The following TBC1D1 variants were observed in gnomAD, a reference collection of about 807,000 sequenced individuals.
TBC1D1 encodes TBC1 domain family member 1.
A neutral mutation model predicts 125.6 loss-of-function variants in TBC1D1; 89 were observed. The ratio of observed to expected loss-of-function variants is 0.71; its 90% CI spans 0.60 to 0.85. The LOEUF (loss-of-function observed/expected upper bound fraction) is 0.85. Among genes scored for constraint, TBC1D1 ranks in the 40% least tolerant of loss-of-function variants. The pLI is 0.00. For missense variants in TBC1D1, 1,377 were observed against 1,469.2 expected (o/e 0.94, Z 1.03); for synonymous variants, 565 against 564.1 (o/e 1.00, Z -0.02).
At chr4:37,986,673 T>G (rs1443205152) in intron 2 of TBC1D1, among the ~76,000 whole-genome samples, 1 of 152,192 alleles carries the variant, frequency 6.6e-6, no homozygotes, top group Admixed American at 6.5e-5. Context: ...CTTGAACTCC[T>G]GACCTCAAGT....
chr4:38,063,950 G>A (rs1406390160), intron 12 of TBC1D1, among the ~76,000 whole-genome samples: 1 of 151,990 alleles, frequency 6.6e-6, no homozygotes, highest in African/African-American at 2.4e-5. Flanking sequence ...AACATTTTTT[G>A]TCCCCCTAGA....
intron 2 of TBC1D1, among the ~76,000 whole-genome samples, chr4:37,976,603 G>A (rs1209643167): frequency 6.6e-6 from 1 of 152,112 alleles, no homozygotes; most frequent in Admixed American, 6.5e-5. Flanking sequence ...TCAGTGAGTG[G>A]TTCCACCTGA....
At chr4:37,939,677 C>G (rs1318640306) in intron 2 of TBC1D1, among the ~76,000 whole-genome samples, 1 of 151,942 alleles carries the variant, frequency 6.6e-6, no homozygotes, top group Non-Finnish European at 1.5e-5. Context: ...AAGTCTTTAA[C>G]CCATCTTGAA....
intron 2 of TBC1D1, among the ~76,000 whole-genome samples, chr4:37,994,131 C>T (rs139229618): frequency 1.3e-5 from 2 of 152,270 alleles, no homozygotes; most frequent in African/African-American, 4.8e-5. Context: ...AGGCTCTCAT[C>T]GCCTGTCTTT....
chr4:38,034,751 C>T (rs1746875280), intron 7 of TBC1D1, among the ~76,000 whole-genome samples: 1 of 152,196 alleles, frequency 6.6e-6, no homozygotes, highest in South Asian at 2.1e-4. Flanking sequence ...GATGTATTTT[C>T]AAAATTTATA....
chr4:37,987,855 C>A (rs1735767368), intron 2 of TBC1D1, among the ~76,000 whole-genome samples: 1 of 152,182 alleles, frequency 6.6e-6, no homozygotes, highest in South Asian at 2.1e-4. Context: ...TACCACAGAA[C>A]CATGTTTCAT....
chr4:38,122,880 C>T (rs1208164499), intron 17 of TBC1D1, among the ~76,000 whole-genome samples: 2 of 152,142 alleles, frequency 1.3e-5, no homozygotes, highest in Non-Finnish European at 2.9e-5. Context: ...TTTAACATAT[C>T]AATAAAGAGA....
At chr4:38,075,585 C>T (rs1041208580) in intron 12 of TBC1D1, among the ~76,000 whole-genome samples, 1 of 152,196 alleles carries the variant, frequency 6.6e-6, no homozygotes, top group Non-Finnish European at 1.5e-5. Context: ...CTCCGCAAAG[C>T]ACAAAAGTAT....
intron 12 of TBC1D1, among the ~76,000 whole-genome samples, chr4:38,066,331 A>C (rs1039556746): frequency 1.6e-5 from 2 of 127,816 alleles, no homozygotes; most frequent in African/African-American, 6.0e-5. Flanking sequence ...ATTTATATTT[A>C]TTTATTTGTT....
At chr4:38,047,514 T>A (rs1749724297) in intron 10 of TBC1D1, among the ~76,000 whole-genome samples, 1 of 152,116 alleles carries the variant, frequency 6.6e-6, no homozygotes, top group African/African-American at 2.4e-5. Flanking sequence ...TACACACTGA[T>A]CCCACCCTGC....
intron 2 of TBC1D1, among the ~76,000 whole-genome samples, chr4:37,946,395 T>C (rs887749193): frequency 6.6e-6 from 1 of 152,208 alleles, no homozygotes; most frequent in African/African-American, 2.4e-5. Flanking sequence ...AGTACCTGAT[T>C]TGGTCGTTAT....
chr4:38,006,701 A>C (rs368724041), intron 2 of TBC1D1: 33 of 312,680 alleles, frequency 1.1e-4, no homozygotes, highest in East Asian at 5.4e-4. Context: ...GGATGGGCTC[A>C]ATCTCCTGAC....
intron 2 of TBC1D1, among the ~76,000 whole-genome samples, chr4:37,991,081 G>A (rs888670913): frequency 2.6e-5 from 4 of 152,050 alleles, no homozygotes; most frequent in Admixed American, 6.6e-5. Flanking sequence ...GGGGAAGGTG[G>A]TGAAGGCAGT....
intron 17 of TBC1D1, chr4:38,120,165 C>T: frequency 7.5e-6 from 7 of 927,340 alleles, no homozygotes; most frequent in Non-Finnish European, 9.0e-6. Flanking sequence ...GTTTCATAAA[C>T]ATTATGCATA....
At chr4:37,915,012 G>A (rs6814438) in intron 2 of TBC1D1, among the ~76,000 whole-genome samples, 4,923 of 152,152 alleles carry the variant, frequency 0.032, 257 homozygotes, top group African/African-American at 0.11. Flanking sequence ...AAATTATCTC[G>A]TTCGGAATCA....
intron 6 of TBC1D1, among the ~76,000 whole-genome samples, chr4:38,026,466 TG>T (rs1305204622): frequency 6.6e-6 from 1 of 152,244 alleles, no homozygotes; most frequent in East Asian, 1.9e-4. Context: ...TCCAAGTCCC[TG>T]GCTCAGCAGA....
chr4:38,129,637 A>G (rs145067500), intron 18 of TBC1D1, among the ~76,000 whole-genome samples: 270 of 152,288 alleles, frequency 1.8e-3, no homozygotes, highest in African/African-American at 6.3e-3. Flanking sequence ...GCAAACCATC[A>G]GGGTTCATGA....
At chr4:38,063,956 C>T (rs113472869) in intron 12 of TBC1D1, among the ~76,000 whole-genome samples, 3 of 152,246 alleles carry the variant, frequency 2.0e-5, no homozygotes, top group African/African-American at 7.2e-5. Flanking sequence ...TTTTGTCCCC[C>T]TAGAAAAAAA....
intron 12 of TBC1D1, among the ~76,000 whole-genome samples, chr4:38,061,807 C>G (rs1752818742): frequency 1.3e-5 from 2 of 152,076 alleles, no homozygotes; most frequent in Non-Finnish European, 2.9e-5. Flanking sequence ...TTTATGATGA[C>G]CAATTTATAT....
Sources: gnomAD v4.1 joint callset for allele counts (sites outside exome capture counted in the v4.1 genomes callset) on GRCh38, gnomAD v4.1.1 for gene constraint, MANE v1.5 for transcripts, NCBI Gene and HGNC (gene_info 2026-07-23, HGNC 2026-07-21) for gene names.